PLCB1: variants seen among roughly 807,000 people sequenced by gnomAD.
PLCB1 encodes phospholipase C beta 1, also known as 1-phosphatidylinositol 4,5-bisphosphate phosphodiesterase beta-1.
PLCB1 carries 46 observed loss-of-function variants against 161.8 expected under a neutral mutation model. That is an observed-to-expected ratio of 0.28 (90% CI 0.22 to 0.36). The LOEUF is 0.36. Among genes scored for constraint, PLCB1 ranks in the 10% least tolerant of loss-of-function variants. The pLI, the probability that PLCB1 is intolerant of heterozygous loss-of-function variation, is 1.00. For synonymous variants in PLCB1, 517 were observed against 503.7 expected, an observed-to-expected ratio of 1.03 and a Z score of -0.35; for missense variants, 1,016 against 1,472.5, an observed-to-expected ratio of 0.69 and a Z score of 5.07.
At chr20:8,316,539 T>C (rs563193579) in intron 2 of PLCB1, among the ~76,000 whole-genome samples, 15 of 152,302 alleles carry the variant, frequency 9.8e-5, no homozygotes, top group African/African-American at 3.6e-4. Flanking sequence ...TCCCATGAGA[T>C]TGGCCGAGAC....
intron 2 of PLCB1, among the ~76,000 whole-genome samples, chr20:8,369,454 A>G (rs966440864): frequency 2.0e-5 from 3 of 152,238 alleles, no homozygotes; most frequent in Non-Finnish European, 4.4e-5. Context: ...AAACCTGGAC[A>G]TATGCTTGAC....
At chr20:8,136,408 C>CG in intron 1 of PLCB1, among the ~76,000 whole-genome samples, 1 of 152,282 alleles carries the variant, frequency 6.6e-6, no homozygotes, top group Admixed American at 6.5e-5. Flanking sequence ...GGGCAGATCA[C>CG]AAGACCAGGA....
chr20:8,507,391 G>A (rs564405017), intron 3 of PLCB1, among the ~76,000 whole-genome samples: 1 of 152,284 alleles, frequency 6.6e-6, no homozygotes, highest in South Asian at 2.1e-4. Context: ...ACAACAAATT[G>A]TATGGTCACG....
chr20:8,250,996 T>C (rs1981112493), intron 2 of PLCB1, among the ~76,000 whole-genome samples: 1 of 152,006 alleles, frequency 6.6e-6, no homozygotes, highest in East Asian at 1.9e-4. Context: ...CTGGTTAATT[T>C]ATAAACATTA....
intron 3 of PLCB1, among the ~76,000 whole-genome samples, chr20:8,543,742 A>G (rs1985428119): frequency 6.6e-6 from 1 of 151,616 alleles, no homozygotes; most frequent in Non-Finnish European, 1.5e-5. Context: ...GGGGGTGGTG[A>G]TTAGATTATG....
chr20:8,413,312 C>A (rs1979124017), intron 3 of PLCB1, among the ~76,000 whole-genome samples: 1 of 152,176 alleles, frequency 6.6e-6, no homozygotes, highest in Non-Finnish European at 1.5e-5. Flanking sequence ...CTTTCGTTGA[C>A]AAAGATGGGG....
In PLCB1 at chr20:8,531,412, G is replaced by A. The variant is rs559878377; in HGVS notation, c.247-96882G>A. Among the ~76,000 whole-genome samples the A allele has an allele frequency of 2.6e-5, 4 of 152,040 alleles. No individual in the cohort carries two copies. In the East Asian group the frequency reaches 5.8e-4, roughly 22 times the overall value. ...TACATTTACTTTTTGAACAAAAATG[G>A]CAAGACATAATTATTACAATTGGAA... On this transcript the variant is annotated intron_variant, in intron 3 of 31. Coordinates refer to ENST00000338037, the MANE Select transcript of PLCB1 (RefSeq NM_015192.4).
intron 3 of PLCB1, among the ~76,000 whole-genome samples, chr20:8,394,429 C>G (rs1041314709): frequency 6.6e-6 from 1 of 152,050 alleles, no homozygotes; most frequent in Non-Finnish European, 1.5e-5. Flanking sequence ...TGATGATTCT[C>G]TGGTTCATGG....
chr20:8,741,948 A>C (rs1980904232), intron 23 of PLCB1, among the ~76,000 whole-genome samples: 1 of 152,166 alleles, frequency 6.6e-6, no homozygotes, highest in Admixed American at 6.5e-5. Context: ...AGCATGCAGG[A>C]TTTTCAAAGT....
At chr20:8,534,086 C>T (rs965724988) in intron 3 of PLCB1, among the ~76,000 whole-genome samples, 6 of 152,074 alleles carry the variant, frequency 3.9e-5, no homozygotes, top group Non-Finnish European at 7.4e-5. Context: ...TGTGAATGAT[C>T]GTGGAATATT....
At chr20:8,408,338 A>G (rs1006571311) in intron 3 of PLCB1, among the ~76,000 whole-genome samples, 1 of 152,034 alleles carries the variant, frequency 6.6e-6, no homozygotes, top group African/African-American at 2.4e-5. Flanking sequence ...ACCGGGGGCC[A>G]GGAGTTCAAG....
chr20:8,557,614 A>T (rs1396320875), intron 3 of PLCB1, among the ~76,000 whole-genome samples: 1 of 151,996 alleles, frequency 6.6e-6, no homozygotes, highest in Non-Finnish European at 1.5e-5. Context: ...CTGAAGATGG[A>T]TGGTGGTTGG....
intron 3 of PLCB1, among the ~76,000 whole-genome samples, chr20:8,405,874 G>A (rs1978764688): frequency 6.6e-6 from 1 of 152,140 alleles, no homozygotes; most frequent in African/African-American, 2.4e-5. Context: ...CCAAATGGTA[G>A]GAATGCTATA....
At chr20:8,626,144 C>T (rs1988335699) in intron 3 of PLCB1, among the ~76,000 whole-genome samples, 1 of 143,092 alleles carries the variant, frequency 7.0e-6, no homozygotes, top group Non-Finnish European at 1.5e-5. Context: ...CACCACTGCA[C>T]ACCAGCCTGA....
intron 31 of PLCB1, among the ~76,000 whole-genome samples, chr20:8,848,427 C>A (rs1414190049): frequency 6.6e-6 from 1 of 152,186 alleles, no homozygotes; most frequent in Non-Finnish European, 1.5e-5. Flanking sequence ...CACCCCTATC[C>A]TGAGGCTCTC....
At position 8,268,060 on chromosome 20, in the gene PLCB1, G is replaced by A. The variant is rs192589574; in HGVS notation, c.178-103322G>A. On this transcript the variant is annotated intron_variant, in intron 2 of 31. Transcript: ENST00000338037. ...TATACATGTGTCATGTTGGTGTGCT[G>A]CACCCATTAACTCATCATTTACATT... Among the ~76,000 whole-genome samples, 62 of 152,038 alleles carry A rather than the reference G, an allele frequency of 4.1e-4. 2 individuals carry two copies. The East Asian group carries it at 0.012, about 30-fold the overall frequency.
intron 3 of PLCB1, among the ~76,000 whole-genome samples, chr20:8,548,695 T>A (rs1985661221): frequency 6.6e-6 from 1 of 152,206 alleles, no homozygotes; most frequent in African/African-American, 2.4e-5. Context: ...TATTTATTCA[T>A]ATCTACAGTC....
intron 31 of PLCB1, among the ~76,000 whole-genome samples, chr20:8,859,272 G>A (rs942829980): frequency 5.3e-5 from 8 of 152,182 alleles, no homozygotes; most frequent in South Asian, 2.1e-4. Flanking sequence ...CTCACAAATA[G>A]AACATTGTTC....
intron 9 of PLCB1, among the ~76,000 whole-genome samples, chr20:8,675,795 A>G (rs1317011437): frequency 6.6e-6 from 1 of 152,216 alleles, no homozygotes; most frequent in Non-Finnish European, 1.5e-5. Flanking sequence ...ATCTGGCTAT[A>G]TGTTTACAGC....
Sources: gnomAD v4.1 joint callset for allele counts (sites outside exome capture counted in the v4.1 genomes callset) on GRCh38, gnomAD v4.1.1 for gene constraint, MANE v1.5 for transcripts, NCBI Gene and HGNC (gene_info 2026-07-23, HGNC 2026-07-21) for gene names.